Variants in CCBE1 observed in about 807,000 individuals in gnomAD.
The protein encoded by CCBE1 is collagen and calcium binding EGF domains 1.
In CCBE1, 37 loss-of-function variants were observed where a neutral mutation model predicts 50.0. The ratio of observed to expected loss-of-function variants is 0.74; its 90% CI spans 0.57 to 0.97. The LOEUF is 0.97. CCBE1 is among the 50% of genes least tolerant of loss of function. The pLI is 0.00. For missense variants in CCBE1, 538 were observed against 523.8 expected (o/e 1.03, Z -0.26); for synonymous variants, 234 against 203.7 (o/e 1.15, Z -1.27).
intron 2 of CCBE1, among the ~76,000 whole-genome samples, chr18:59,609,727 G>A (rs899803864): frequency 1.3e-5 from 2 of 152,152 alleles, no homozygotes; most frequent in African/African-American, 2.4e-5. Flanking sequence ...TATTTGAAAA[G>A]GCATTTTCTA....
At position 59,469,528 on chromosome 18, in the gene CCBE1, C is replaced by T. The variant is rs762105160; in HGVS notation, c.345G>A (p.Pro115=). Residue 115 remains proline (P), a synonymous_variant, in exon 4 of 11, where the codon CCG becomes CCA. Coordinates refer to ENST00000439986, the MANE Select transcript of CCBE1 (RefSeq NM_133459.4). ...NFGRVLCTCY[P]GYRYDRERHR... ...GTCTCTCCCGGTCATATCGGTATCC[C>T]GGATAACAAGTACACAGCACTCGGC... The T allele has an allele frequency of 8.1e-6, 13 of 1,614,052 alleles. No homozygotes were observed. Among genetic ancestry groups the T allele is most frequent in the Middle Eastern group, 1.6e-4 (1 of 6,064 alleles).
At chr18:59,510,747 GCTTC>G (rs1568178771) in intron 2 of CCBE1, among the ~76,000 whole-genome samples, 2 of 152,132 alleles carry the variant, frequency 1.3e-5, no homozygotes, top group African/African-American at 4.8e-5. Context: ...TTTCATAAAT[GCTTC>G]CTTATCACTA....
At chr18:59,519,456 T>C (rs1031321659) in intron 2 of CCBE1, among the ~76,000 whole-genome samples, 2 of 152,234 alleles carry the variant, frequency 1.3e-5, no homozygotes, top group African/African-American at 2.4e-5. Flanking sequence ...CTGAATGAGC[T>C]AGAAAATTGT....
chr18:59,695,998 A>T (rs377542657), intron 2 of CCBE1, among the ~76,000 whole-genome samples: 45 of 152,350 alleles, frequency 3.0e-4, no homozygotes, highest in African/African-American at 1.1e-3. Flanking sequence ...CACCTGGGGA[A>T]CATTTTATAA....
intron 2 of CCBE1, among the ~76,000 whole-genome samples, chr18:59,600,468 T>C (rs2053414284): frequency 6.6e-6 from 1 of 152,014 alleles, no homozygotes. Context: ...GCTTGAATCA[T>C]CCCCAAACCA....
chr18:59,563,230 A>C (rs2052768542), intron 2 of CCBE1, among the ~76,000 whole-genome samples: 1 of 152,196 alleles, frequency 6.6e-6, no homozygotes, highest in Admixed American at 6.5e-5. Flanking sequence ...ATAAAACCCC[A>C]ACTCTGCTTG....
chr18:59,641,615 C>G (rs1293603757), intron 2 of CCBE1, among the ~76,000 whole-genome samples: 2 of 152,118 alleles, frequency 1.3e-5, no homozygotes, highest in Non-Finnish European at 2.9e-5. Context: ...AATAAAAGTG[C>G]AAATGTCCAA....
chr18:59,583,299 T>A (rs2144515055), intron 2 of CCBE1, among the ~76,000 whole-genome samples: 1 of 152,138 alleles, frequency 6.6e-6, no homozygotes, highest in Admixed American at 6.5e-5. Context: ...CCAGAACACA[T>A]AGCCTAAACT....
intron 2 of CCBE1, among the ~76,000 whole-genome samples, chr18:59,644,955 CCATCAA>C (rs1456322674): frequency 6.6e-5 from 10 of 152,120 alleles, no homozygotes; most frequent in Non-Finnish European, 2.9e-5. Flanking sequence ...AAAGTTATAC[CCATCAA>C]AACGCTACCC....
intron 2 of CCBE1, among the ~76,000 whole-genome samples, chr18:59,635,034 A>G (rs2053897377): frequency 1.3e-5 from 2 of 152,248 alleles, no homozygotes; most frequent in South Asian, 4.1e-4. Flanking sequence ...TCAGATTCTG[A>G]GAGCACAAGA....
chr18:59,589,655 C>T (rs921173026), intron 2 of CCBE1, among the ~76,000 whole-genome samples: 14 of 151,832 alleles, frequency 9.2e-5, no homozygotes, highest in African/African-American at 2.2e-4. Context: ...CAAAATTAGC[C>T]GGGTGTGGTG....
intron 2 of CCBE1, among the ~76,000 whole-genome samples, chr18:59,527,083 T>C (rs918801729): frequency 6.6e-6 from 1 of 152,244 alleles, no homozygotes; most frequent in African/African-American, 2.4e-5. Context: ...CTCGATGATC[T>C]AATATTGACA....
intron 2 of CCBE1, among the ~76,000 whole-genome samples, chr18:59,680,270 A>C (rs947452857): frequency 2.6e-5 from 4 of 151,558 alleles, no homozygotes; most frequent in Admixed American, 6.6e-5. Context: ...TCAGATACGC[A>C]CTTATCTCAG....
chr18:59,651,830 G>T (rs2054132015), intron 2 of CCBE1, among the ~76,000 whole-genome samples: 1 of 152,226 alleles, frequency 6.6e-6, no homozygotes, highest in Non-Finnish European at 1.5e-5. Flanking sequence ...TTGTGAAAGT[G>T]TATGTGGTAC....
intron 7 of CCBE1, among the ~76,000 whole-genome samples, chr18:59,444,880 T>A (rs1365351978): frequency 6.6e-6 from 1 of 152,214 alleles, no homozygotes; most frequent in Non-Finnish European, 1.5e-5. Context: ...CAAGTCCTTT[T>A]CCCATCTTTT....
chr18:59,492,161 A>G (rs1913139307), intron 2 of CCBE1, among the ~76,000 whole-genome samples: 2 of 151,912 alleles, frequency 1.3e-5, no homozygotes, highest in Non-Finnish European at 1.5e-5. Flanking sequence ...AAAAAAAAAA[A>G]AAAAAAAGAA....
At chr18:59,571,317 G>T (rs1292062361) in intron 2 of CCBE1, among the ~76,000 whole-genome samples, 1 of 152,064 alleles carries the variant, frequency 6.6e-6, no homozygotes, top group Admixed American at 6.5e-5. Flanking sequence ...TTGAGTTCAT[G>T]TCCTTTGTAG....
intron 2 of CCBE1, among the ~76,000 whole-genome samples, chr18:59,635,218 T>C (rs771282445): frequency 3.3e-5 from 5 of 152,214 alleles, no homozygotes; most frequent in Admixed American, 6.5e-5. Context: ...AGCTTCGAAG[T>C]ATTGATGGGA....
At chr18:59,590,490 T>G (rs546878874) in intron 2 of CCBE1, among the ~76,000 whole-genome samples, 1 of 151,850 alleles carries the variant, frequency 6.6e-6, no homozygotes, top group South Asian at 2.1e-4. Flanking sequence ...AATATCAAAT[T>G]TTTGTTTTTT....
Sources: gnomAD v4.1 joint callset for allele counts (sites outside exome capture counted in the v4.1 genomes callset) on GRCh38, gnomAD v4.1.1 for gene constraint, MANE v1.5 for transcripts, NCBI Gene and HGNC (gene_info 2026-07-23, HGNC 2026-07-21) for gene names.